VWA5B2: variants seen among roughly 807,000 people sequenced by gnomAD.
The protein encoded by VWA5B2 is von Willebrand factor A domain-containing protein 5B2.
In VWA5B2, 93 loss-of-function variants were observed where a neutral mutation model predicts 118.5. The ratio of observed to expected loss-of-function variants is 0.79; its 90% CI spans 0.66 to 0.93. The LOEUF is 0.93. Among genes scored for constraint, VWA5B2 ranks in the 40% least tolerant of loss-of-function variants. The pLI is 0.00. For missense variants in VWA5B2, 1,546 were observed against 1,672.8 expected (o/e 0.92, Z 1.32); for synonymous variants, 708 against 716.3 (o/e 0.99, Z 0.19).
In VWA5B2 at chr3:184,241,249, G is replaced by A. The variant is rs1268298920; in HGVS notation, c.3025G>A (p.Ala1009Thr). 3 of 1,551,116 alleles carry A rather than the reference G, an allele frequency of 1.9e-6. No individual in the cohort carries two copies. Among genetic ancestry groups the A allele is most frequent in the African/African-American group, 1.4e-5 (1 of 73,052 alleles). The change falls in exon 19 of 20, where the codon GCT (alanine) becomes ACT (threonine). Residue 1009 changes from alanine to threonine, a missense_variant. Transcript: ENST00000691901. This position sits in a 1 kb window ranked among gnomAD's most constrained non-coding sequence, Gnocchi z 5.1. ...GGACCAAAATGGCAACTCCAAGCGT[G>A]CTTTGGGGGACCCTGCCACTCCCAC... ...DSDQNGNSKR[A>T]LGDPATPTEG...
At chr3:184,234,993 AGCCACCT>A (rs1717819644) in intron 7 of VWA5B2, 153 bp from the exon 8 acceptor site, 1 of 1,089,108 alleles carries the variant, frequency 9.2e-7, no homozygotes, top group African/African-American at 1.6e-5. Flanking sequence ...AACAGAAGAC[AGCCACCT>A]GCCTTTGCTC....
Position 184,233,760 on chromosome 3 carries a change from C to T in VWA5B2, c.688+27C>T, listed in dbSNP as rs749989746. ...TGGGTGCATCTGGCTGGCCTGCCCT[C>T]TTTTCAGATGCCCACTCCACCCAGT... On this transcript the variant is annotated intron_variant, in intron 5 of 19. Transcript: ENST00000691901. This position sits in a 1 kb window ranked among gnomAD's most constrained non-coding sequence, Gnocchi z 5.2. 23 of 1,547,582 alleles carry T rather than the reference C, an allele frequency of 1.5e-5. No individual in the cohort carries two copies. The highest frequency in any genetic ancestry group is 7.9e-5 in the Admixed American group (4 of 50,796).
chr3:184,241,159 C>T lies in VWA5B2; in HGVS notation c.2963-28C>T, dbSNP rs2108435176. 1 of 1,551,280 alleles carries T rather than the reference C, an allele frequency of 6.4e-7. No individual in the cohort carries two copies. On this transcript the variant is annotated intron_variant, in intron 18 of 19. Transcript: ENST00000691901. This position sits in a 1 kb window ranked among gnomAD's most constrained non-coding sequence, Gnocchi z 5.1. ...AGGGGCACTTGGGCTTAGAGACCGC[C>T]CCCTGGCACTGATGATCCCCACTGC...
Position 184,238,880 on chromosome 3 carries a change from T to A in VWA5B2, c.2202+7T>A, listed in dbSNP as rs1234136987. 6.8e-7 allele frequency: 1 copy of A among 1,481,450 alleles called. No homozygotes were observed. Among genetic ancestry groups the A allele is most frequent in the Non-Finnish European group, 9.0e-7 (1 of 1,109,144 alleles). The allele number at this position is 1,481,450 out of a possible 1,614,324, so 91.8% of individuals were successfully genotyped here. A position where few individuals can be genotyped will look rare whatever the true frequency, so the allele number is the denominator to read the frequency against. The stretch of plus-strand genomic sequence containing the variant: ...CACACCAGCTCCATTCAAGGTGAGA[T>A]CCAACCCACATTCATTCGCCTTGTA... On this transcript the variant is annotated splice_region_variant and intron_variant, in intron 14 of 19. Coordinates refer to ENST00000691901, the MANE Select transcript of VWA5B2 (RefSeq NM_001390846.1). This position sits in a 1 kb window ranked among gnomAD's most constrained non-coding sequence, Gnocchi z 5.0.
intron 8 of VWA5B2, 62 bp downstream of exon 8, chr3:184,235,370 G>C: frequency 1.3e-6 from 2 of 1,510,200 alleles, no homozygotes; most frequent in Admixed American, 2.1e-5. Context: ...TCTGAGGAGG[G>C]CTGGGGGCAG....
intron 16 of VWA5B2, 107 bp from the exon 17 acceptor site, chr3:184,240,684 T>TA (rs1718496867): frequency 3.5e-6 from 5 of 1,441,478 alleles, no homozygotes; most frequent in Non-Finnish European, 3.7e-6. Context: ...TCTACTCTGT[T>TA]AAAGTCGATA....
At position 184,237,523 on chromosome 3, in the gene VWA5B2, C is replaced by A. The variant is rs1718131941; in HGVS notation, c.1719+112C>A. ...CTTTTTCCATTCTCTGTGCCTCTCT[C>A]TACCAAGCTTCTCTACTATCCCCTA... On this transcript the variant is annotated intron_variant, in intron 12 of 19. Transcript: ENST00000691901. The surrounding 1 kb of genome is among the most constrained non-coding windows in gnomAD (Gnocchi z 5.6). 2.5e-6 allele frequency: 3 copies of A among 1,187,152 alleles called. No individual in the cohort carries two copies. The highest frequency in any genetic ancestry group is 3.5e-6 in the Non-Finnish European group (3 of 858,260). The allele number at this position is 1,187,152 out of a possible 1,614,324, so 73.5% of individuals were successfully genotyped here. A position where few individuals can be genotyped will look rare whatever the true frequency, so the allele number is the denominator to read the frequency against.
Position 184,239,479 on chromosome 3 carries a change from C to A in VWA5B2, c.2288C>A (p.Ala763Glu), listed in dbSNP as rs1391935056. Reference protein sequence around the residue: ...GRSLSSPPGRANQVPGRPRKP... With the variant: ...GRSLSSPPGRENQVPGRPRKP... Reference sequence around the variant, plus strand: ...AGCCTCTCATCCCCTCCAGGCCGGGCAAACCAAGTCCCCGGCCGACCCCGG... The same window carrying A: ...AGCCTCTCATCCCCTCCAGGCCGGGAAAACCAAGTCCCCGGCCGACCCCGG... The change falls in exon 15 of 20, where the codon GCA becomes GAA. Residue 763 changes from alanine (A) to glutamate (E), a missense_variant. This residue lies in a region of VWA5B2 where 763 missense variants were observed against 766.6 expected (regional missense o/e 1.00). Coordinates refer to ENST00000691901, the MANE Select transcript of VWA5B2 (RefSeq NM_001390846.1). The surrounding 1 kb of genome is among the most constrained non-coding windows in gnomAD (Gnocchi z 5.1). The A allele has an allele frequency of 1.3e-6, 2 of 1,550,158 alleles. No individual in the cohort carries two copies. The highest frequency in any genetic ancestry group is 3.9e-5 in the Admixed American group (2 of 50,914).
rs764584890 is a variant in VWA5B2 at position 184,239,802 on chromosome 3, G to C, written c.2506G>C (p.Ala836Pro). 5 of 1,547,610 alleles carry C rather than the reference G, an allele frequency of 3.2e-6. No individual in the cohort carries two copies. Among genetic ancestry groups the C allele is most frequent in the Non-Finnish European group, 3.5e-6 (4 of 1,144,114 alleles). ...ELAPPAVPPQ[A>P]PRCHVVIRGL... ...GGCCCCTCCAGCAGTGCCTCCCCAG[G>C]CTCCACGCTGCCATGTGGTGATCCG... The change falls in exon 16 of 20, where the codon GCT becomes CCT. Residue 836 changes from alanine (A) to proline (P), a missense_variant. Around this residue, in one of 3 missense-constraint regions of VWA5B2, gnomAD observed 763 missense variants for 766.6 expected, o/e 1.00. Transcript: ENST00000691901. The surrounding 1 kb of genome is among the most constrained non-coding windows in gnomAD (Gnocchi z 5.1).
chr3:184,240,717 C>T (rs1718500283), intron 16 of VWA5B2, 74 bp from the exon 17 acceptor site: 2 of 1,518,556 alleles, frequency 1.3e-6, no homozygotes, highest in Admixed American at 2.1e-5. Context: ...GGGGAGAACA[C>T]TGCAATTTTT....
Position 184,236,193 on chromosome 3 carries a change from G to A in VWA5B2, c.1143G>A (p.Thr381=), listed in dbSNP as rs564244851. 11 of 1,551,702 alleles carry A rather than the reference G, an allele frequency of 7.1e-6. No homozygotes were observed. The highest frequency in any genetic ancestry group is 3.9e-5 in the Admixed American group (2 of 51,010). Residue 381 remains threonine, a synonymous_variant, in exon 9 of 20, where the codon ACG becomes ACA. Transcript: ENST00000691901. ...VLAVKSLPPQ[T]LINLAVFGTL... is the part of the protein sequence containing the mutation. ...CTGTGAAGTCCCTCCCGCCCCAGACGCTTATCAACCTGGCCGTGTTTGGGA... is the reference window on the plus strand; with the variant it reads ...CTGTGAAGTCCCTCCCGCCCCAGACACTTATCAACCTGGCCGTGTTTGGGA...
rs185493084 is a variant in VWA5B2 at position 184,230,431 on chromosome 3, G to A, written c.-98G>A. ...GCAGGCCCCGTCCGGGTGCTGGAGTGAGACTCTCGCGCTGGCCTCTGGAGC... is the reference window on the plus strand; with the variant it reads ...GCAGGCCCCGTCCGGGTGCTGGAGTAAGACTCTCGCGCTGGCCTCTGGAGC... On this transcript the variant is annotated 5_prime_UTR_variant, in exon 2 of 20. Transcript: ENST00000691901. 11 of 1,296,032 alleles carry A rather than the reference G, an allele frequency of 8.5e-6. No individual in the cohort carries two copies. The Admixed American group carries it at 3.8e-4, about 45-fold the overall frequency. The allele number at this position is 1,296,032 out of a possible 1,614,324, so 80.3% of individuals were successfully genotyped here. A position where few individuals can be genotyped will look rare whatever the true frequency, so the allele number is the denominator to read the frequency against.
chr3:184,233,485 T>G lies in VWA5B2; in HGVS notation c.530+88T>G. ...GGGGCACTGGCAGGGTACCCAGGGA[T>G]GGGAAGGGTGAGGAAGGGCTGGGGC... On this transcript the variant is annotated intron_variant, in intron 4 of 19. Coordinates refer to ENST00000691901, the MANE Select transcript of VWA5B2 (RefSeq NM_001390846.1). The surrounding 1 kb of genome is among the most constrained non-coding windows in gnomAD (Gnocchi z 5.2). 1 of 1,508,012 alleles carries G rather than the reference T, an allele frequency of 6.6e-7. No homozygotes were observed. The highest frequency in any genetic ancestry group is 8.9e-7 in the Non-Finnish European group (1 of 1,125,430). 93.4% of individuals were successfully genotyped at this position (1,508,012 alleles called of 1,614,324 possible).
chr3:184,236,371 T>C lies in VWA5B2; in HGVS notation c.1241T>C (p.Ile414Thr), dbSNP rs1337694929. Residue 414 changes from isoleucine to threonine, a missense_variant, in exon 10 of 20, where the codon ATT becomes ACT. Around this residue, in one of 3 missense-constraint regions of VWA5B2, gnomAD observed 775 missense variants for 882.3 expected, o/e 0.88. Transcript: ENST00000691901. ...GCTGTGCAGCTGATCTGCGAGAGCATTGAGACCCTGCAGGTTCCGAGTGGG... is the reference window on the plus strand; with the variant it reads ...GCTGTGCAGCTGATCTGCGAGAGCACTGAGACCCTGCAGGTTCCGAGTGGG... Reference protein sequence around the residue: ...DDAVQLICESIETLQVPSGPP... With the variant: ...DDAVQLICESTETLQVPSGPP... The C allele has an allele frequency of 1.6e-5, 24 of 1,546,912 alleles. No individual in the cohort carries two copies. The highest frequency in any genetic ancestry group is 3.3e-4 in the Middle Eastern group (2 of 6,000).
Position 184,233,815 on chromosome 3 carries a change from G to A in VWA5B2, c.688+82G>A, listed in dbSNP as rs1560151710. On this transcript the variant is annotated intron_variant, in intron 5 of 19. Transcript: ENST00000691901. This position sits in a 1 kb window ranked among gnomAD's most constrained non-coding sequence, Gnocchi z 5.2. ...TGACTGGAAGGGAAATAAGGCTCAG[G>A]GATAGGAGGGACACAGGACAAAAAG... The A allele has an allele frequency of 2.0e-6, 3 of 1,499,104 alleles. No homozygotes were observed. The highest frequency in any genetic ancestry group is 2.8e-5 in the African/African-American group (2 of 72,058). 92.9% of individuals were successfully genotyped at this position (1,499,104 alleles called of 1,614,324 possible).
In VWA5B2 at chr3:184,241,383, C is replaced by T. The variant is rs761864069; in HGVS notation, c.3159C>T (p.Ser1053=). 8 of 1,573,824 alleles carry T rather than the reference C, an allele frequency of 5.1e-6. No individual in the cohort carries two copies. The highest frequency in any genetic ancestry group is 4.1e-5 in the African/African-American group (3 of 74,020). Residue 1053 remains serine (S), a synonymous_variant, in exon 19 of 20, where the codon AGC becomes AGT. Transcript: ENST00000691901. The surrounding 1 kb of genome is among the most constrained non-coding windows in gnomAD (Gnocchi z 5.1). ...GCCAGGCCAACAACAGTGAAGGCAG[C>T]GACCATGACTACCTGCCCTTGGTGA... ...DPGQANNSEG[S]DHDYLPLVRL...
At position 184,230,885 on chromosome 3, in the gene VWA5B2, TG is replaced by T; in HGVS notation, c.282del (p.Thr95ProfsTer36). 1 of 1,225,420 alleles carries T rather than the reference TG, an allele frequency of 8.2e-7. No homozygotes were observed. 75.9% of individuals were successfully genotyped at this position (1,225,420 alleles called of 1,614,324 possible). The stretch of plus-strand genomic sequence containing the variant: ...TGCTGCCGCGCTCTGGGCCCGGGGC[TG>T]GGGACCCCGACGCCCCGCCGCTGCG... ...AACCRALGPG[L>X]GTPTPRRCAQ... is the part of the protein sequence containing the mutation. On this transcript the variant is annotated frameshift_variant, in exon 3 of 20. Transcript: ENST00000691901. LOFTEE classifies it high-confidence loss of function.
In VWA5B2 at chr3:184,241,097, C is replaced by G; in HGVS notation, c.2952C>G (p.Val984=). The G allele has an allele frequency of 6.4e-7, 1 of 1,551,732 alleles. No individual in the cohort carries two copies. Among genetic ancestry groups the G allele is most frequent in the Non-Finnish European group, 8.7e-7 (1 of 1,146,994 alleles). The change falls in exon 18 of 20, where the codon GTC becomes GTG. Residue 984 remains valine, a synonymous_variant. Coordinates refer to ENST00000691901, the MANE Select transcript of VWA5B2 (RefSeq NM_001390846.1). The surrounding 1 kb of genome is among the most constrained non-coding windows in gnomAD (Gnocchi z 5.1). ...ATGCAGCTCCTCTGCCCACTGTTGT[C>G]TACTCTAAAGGTAACACCCAAAGGT... ...HLDAAPLPTV[V]YSKGLQRGSP...
In VWA5B2 at chr3:184,241,409, G is replaced by T; in HGVS notation, c.3180+5G>T. On this transcript the variant is annotated splice_donor_5th_base_variant and intron_variant, in intron 19 of 19. Coordinates refer to ENST00000691901, the MANE Select transcript of VWA5B2 (RefSeq NM_001390846.1). The surrounding 1 kb of genome is among the most constrained non-coding windows in gnomAD (Gnocchi z 5.1). ...GACCATGACTACCTGCCCTTGGTGA[G>T]GACTCGGGAGGTGGAGGGTGGTGCC... 6.3e-7 allele frequency: 1 copy of T among 1,577,912 alleles called. No individual in the cohort carries two copies. Among genetic ancestry groups the T allele is most frequent in the Non-Finnish European group, 8.6e-7 (1 of 1,161,046 alleles).
Sources: gnomAD v4.1 joint callset for allele counts on GRCh38, gnomAD v4.1.1 for gene constraint, gnomAD v4.1.1 regional missense constraint, Gnocchi (gnomAD v3.1) non-coding constraint, MANE v1.5 for transcripts, NCBI Gene and HGNC (gene_info 2026-07-23, HGNC 2026-07-21) for gene names.